MBOAT2: variants seen among roughly 807,000 people sequenced by gnomAD.
MBOAT2 encodes membrane-bound glycerophospholipid O-acyltransferase 2.
MBOAT2 carries 28 observed loss-of-function variants against 63.4 expected under a neutral mutation model. The observed-to-expected ratio is 0.44, with a 90% CI of 0.33 to 0.61. The LOEUF is 0.61. Among genes scored for constraint, MBOAT2 ranks in the 20% least tolerant of loss-of-function variants. The pLI is 0.03. For synonymous variants in MBOAT2, 211 were observed against 215.6 expected (o/e 0.98, Z 0.19); for missense variants, 470 against 605.8 (o/e 0.78, Z 2.35).
intron 2 of MBOAT2, among the ~76,000 whole-genome samples, chr2:8,944,551 T>C (rs1344910322): frequency 2.6e-5 from 4 of 152,072 alleles, no homozygotes; most frequent in South Asian, 4.1e-4. Context: ...CATTTTTCCA[T>C]AGAAATATTA....
intron 4 of MBOAT2, among the ~76,000 whole-genome samples, chr2:8,890,503 AC>A (rs1357444241): frequency 6.6e-6 from 1 of 152,186 alleles, no homozygotes; most frequent in Non-Finnish European, 1.5e-5. Context: ...AGTGTCTGGC[AC>A]AAAATATGTG....
intron 3 of MBOAT2, among the ~76,000 whole-genome samples, chr2:8,923,400 T>C (rs1056838548): frequency 6.6e-6 from 1 of 152,136 alleles, no homozygotes; most frequent in Non-Finnish European, 1.5e-5. Flanking sequence ...TGAGACCTCC[T>C]CCCAGGAACT....
chr2:8,868,401 G>C (rs1662056300), intron 9 of MBOAT2, 45 bp downstream of exon 9: 1 of 1,501,972 alleles, frequency 6.7e-7, no homozygotes, highest in Non-Finnish European at 9.2e-7. Context: ...AGCAAACTAT[G>C]GTACTTAAAG....
intron 4 of MBOAT2, among the ~76,000 whole-genome samples, chr2:8,899,557 T>C (rs1664754902): frequency 6.6e-6 from 1 of 152,204 alleles, no homozygotes; most frequent in South Asian, 2.1e-4. Flanking sequence ...CTCAGTCCTG[T>C]TGTTGGATCA....
intron 1 of MBOAT2, among the ~76,000 whole-genome samples, chr2:8,967,868 C>T (rs967363751): frequency 6.6e-6 from 1 of 152,054 alleles, no homozygotes; most frequent in East Asian, 1.9e-4. Context: ...CCTTCATGGG[C>T]AAAACACCAT....
In MBOAT2 at chr2:8,860,723, T is replaced by C. The variant is rs371335603; in HGVS notation, c.1227A>G (p.Gln409=). Residue 409 remains glutamine (Q), a synonymous_variant, in exon 12 of 13, where the codon CAA becomes CAG. Coordinates refer to ENST00000305997, the MANE Select transcript of MBOAT2 (RefSeq NM_138799.4). ...NFRHYFIEPS[Q]LKLFYDVITW... is the part of the protein sequence containing the mutation. ...TTATAACATCATAAAATAATTTCAGTTGGGAAGGTTCAATGAAATAATGTC... is the reference window on the plus strand; with the variant it reads ...TTATAACATCATAAAATAATTTCAGCTGGGAAGGTTCAATGAAATAATGTC... 2.5e-6 allele frequency: 4 copies of C among 1,602,240 alleles called. No homozygotes were observed. Among genetic ancestry groups the C allele is most frequent in the Non-Finnish European group, 2.6e-6 (3 of 1,170,466 alleles).
chr2:8,942,269 C>A (rs1263883474), intron 3 of MBOAT2, among the ~76,000 whole-genome samples: 2 of 152,204 alleles, frequency 1.3e-5, no homozygotes, highest in Non-Finnish European at 2.9e-5. Flanking sequence ...ATAAAAGCCA[C>A]AGGTCTGATT....
intron 3 of MBOAT2, among the ~76,000 whole-genome samples, chr2:8,941,587 C>A (rs1668053922): frequency 6.6e-6 from 1 of 151,742 alleles, no homozygotes; most frequent in Admixed American, 6.6e-5. Context: ...TCGCTTAAAC[C>A]CGGGAGGCAG....
intron 3 of MBOAT2, among the ~76,000 whole-genome samples, chr2:8,930,943 A>G (rs1006029860): frequency 4.1e-4 from 62 of 152,114 alleles, no homozygotes; most frequent in Non-Finnish European, 6.8e-4. Flanking sequence ...ACTCTGCTCA[A>G]TAAAGCCTGC....
rs1423951210 is a variant in MBOAT2, at chr2:8,854,748, G to A, written c.*3931C>T. Reference sequence around the variant, plus strand: ...TAGGAGAGATTTTTGTCCTAAAACTGTGATCTAGTCCTTGAGTAAAAGTAT... The same window carrying A: ...TAGGAGAGATTTTTGTCCTAAAACTATGATCTAGTCCTTGAGTAAAAGTAT... On this transcript the variant is annotated 3_prime_UTR_variant, in exon 13 of 13. Coordinates refer to ENST00000305997, the MANE Select transcript of MBOAT2 (RefSeq NM_138799.4). The A allele has an allele frequency of 6.6e-6, 1 of 152,158 alleles. No homozygotes were observed. The highest frequency in any genetic ancestry group is 1.9e-4 in the East Asian group (1 of 5,200). 9.4% of individuals were successfully genotyped at this position (152,158 alleles called of 1,614,324 possible). A position where few individuals can be genotyped will look rare whatever the true frequency, so the allele number is the denominator to read the frequency against.
chr2:8,883,832 C>A (rs1663329749), intron 5 of MBOAT2, among the ~76,000 whole-genome samples: 1 of 151,934 alleles, frequency 6.6e-6, no homozygotes, highest in Admixed American at 6.6e-5. Flanking sequence ...CCTATATATG[C>A]AACAATTGGG....
At chr2:8,959,432 A>G (rs763055637) in intron 1 of MBOAT2, among the ~76,000 whole-genome samples, 4 of 152,066 alleles carry the variant, frequency 2.6e-5, no homozygotes, top group Admixed American at 6.6e-5. Context: ...ATGTAAAGAT[A>G]GACTGGAGAA....
In MBOAT2 at chr2:8,853,963, A is replaced by G. The variant is rs924176558; in HGVS notation, c.*4716T>C. 1 of 152,196 alleles carries G rather than the reference A, an allele frequency of 6.6e-6. No individual in the cohort carries two copies. The allele number at this position is 152,196 out of a possible 1,614,324, so 9.4% of individuals were successfully genotyped here. A position where few individuals can be genotyped will look rare whatever the true frequency, so the allele number is the denominator to read the frequency against. On this transcript the variant is annotated 3_prime_UTR_variant, in exon 13 of 13. Transcript: ENST00000305997. ...AAATAAATATTATTTTAAAACATAC[A>G]AAAACATTATTCAGCAGCCTACCAA...
chr2:8,888,145 A>T, intron 4 of MBOAT2, 72 bp from the exon 5 acceptor site: 2 of 1,394,246 alleles, frequency 1.4e-6, no homozygotes, highest in South Asian at 2.5e-5. Context: ...ATATGAGTTA[A>T]GAGTTTATTC....
Position 8,864,207 on chromosome 2 carries a change from C to T in MBOAT2, c.1015G>A (p.Asp339Asn), listed in dbSNP as rs1237633861. 6.3e-7 allele frequency: 1 copy of T among 1,577,178 alleles called. No homozygotes were observed. Among genetic ancestry groups the T allele is most frequent in the Non-Finnish European group, 8.6e-7 (1 of 1,166,376 alleles). ...AGAGCTGTCTGAATATTCCAATTAT[C>T]AAGAAACATCTTGAAACTTGTTGAC... The part of the protein sequence containing the change: ...EMSTSFKMFL[D>N]NWNIQTALWL... The change falls in exon 10 of 13, where the codon GAT (aspartate) becomes AAT (asparagine). Residue 339 changes from aspartate (D) to asparagine (N), a missense_variant. This residue lies in a region of MBOAT2 where 376 missense variants were observed against 503.8 expected (regional missense o/e 0.75). Coordinates refer to ENST00000305997, the MANE Select transcript of MBOAT2 (RefSeq NM_138799.4).
intron 2 of MBOAT2, among the ~76,000 whole-genome samples, chr2:8,944,380 G>A (rs371262946): frequency 1.2e-4 from 19 of 152,098 alleles, no homozygotes; most frequent in Non-Finnish European, 2.4e-4. Context: ...TAAAATTTTC[G>A]AATCATCAGG....
intron 4 of MBOAT2, among the ~76,000 whole-genome samples, chr2:8,892,689 T>A (rs1664091347): frequency 6.6e-6 from 1 of 152,182 alleles, no homozygotes; most frequent in African/African-American, 2.4e-5. Flanking sequence ...GCCTAAGGAA[T>A]ACAGAACACA....
chr2:8,965,588 A>T (rs538978077), intron 1 of MBOAT2, among the ~76,000 whole-genome samples: 2 of 152,314 alleles, frequency 1.3e-5, no homozygotes, highest in African/African-American at 4.8e-5. Context: ...GTCTCCACAA[A>T]AGATTGTATA....
intron 10 of MBOAT2, among the ~76,000 whole-genome samples, chr2:8,863,627 C>T (rs1661647078): frequency 6.6e-6 from 1 of 152,290 alleles, no homozygotes; most frequent in East Asian, 1.9e-4. Context: ...CTTTCTCTCT[C>T]CTCATCCTCA....
Sources: gnomAD v4.1 joint callset for allele counts (sites outside exome capture counted in the v4.1 genomes callset) on GRCh38, gnomAD v4.1.1 for gene constraint, gnomAD v4.1.1 regional missense constraint, MANE v1.5 for transcripts, NCBI Gene and HGNC (gene_info 2026-07-23, HGNC 2026-07-21) for gene names.